Variants in CBX5 observed in about 807,000 individuals in gnomAD.
CBX5 encodes chromobox 5, also known as chromobox protein homolog 5.
In CBX5, 7 loss-of-function variants were observed where a neutral mutation model predicts 20.7. The observed-to-expected ratio is 0.34, with a 90% CI of 0.19 to 0.63. CBX5 has a LOEUF of 0.63. Ranked by LOEUF, CBX5 falls within the 30% of genes least tolerant of loss-of-function variation. The pLI is 0.75. For synonymous variants in CBX5, 78 were observed against 77.0 expected, an observed-to-expected ratio of 1.01 and a Z score of -0.07; for missense variants, 110 against 224.1, an observed-to-expected ratio of 0.49 and a Z score of 3.25.
At position 54,237,457 on chromosome 12, in the gene CBX5, T is replaced by C. The variant is rs1310864368; in HGVS notation, c.*4298A>G. 3 of 152,300 alleles carry C rather than the reference T, an allele frequency of 2.0e-5. No individual in the cohort carries two copies. The highest frequency in any genetic ancestry group is 4.4e-5 in the Non-Finnish European group (3 of 68,054). 9.4% of individuals were successfully genotyped at this position (152,300 alleles called of 1,614,324 possible). ...CTTCTCAAAATAGCACCCCAGTGGATGGTAGTCAAGCTTTCCAGCAACCAG... is the reference window on the plus strand; with the variant it reads ...CTTCTCAAAATAGCACCCCAGTGGACGGTAGTCAAGCTTTCCAGCAACCAG... On this transcript the variant is annotated 3_prime_UTR_variant, in exon 5 of 5. Transcript: ENST00000209875.
rs183936231 is a variant in CBX5, at chr12:54,270,974, C to T, written c.-43+9034G>A. 3.7e-3 allele frequency among the ~76,000 whole-genome samples: 566 copies of T among 152,354 alleles called. 2 individuals are homozygous for T. Among genetic ancestry groups the T allele is most frequent in the Non-Finnish European group, 3.9e-3 (264 of 68,040 alleles). The stretch of plus-strand genomic sequence containing the variant: ...TCAGAAGGCTGAGGCAGGAGGATCA[C>T]TTGAGCCCAGGAGTTTCAGGCTGCA... On this transcript the variant is annotated intron_variant, in intron 1 of 4. Transcript: ENST00000209875.
At chr12:54,279,287 T>C (rs1323689410) in intron 1 of CBX5, among the ~76,000 whole-genome samples, 1 of 151,978 alleles carries the variant, frequency 6.6e-6, no homozygotes, top group East Asian at 1.9e-4. Context: ...GAAAGTATTA[T>C]TTAAAAACAA....
In CBX5 at chr12:54,238,272, G is replaced by C. The variant is rs1014053967; in HGVS notation, c.*3483C>G. The C allele has an allele frequency of 6.6e-6, 1 of 152,178 alleles. No individual in the cohort carries two copies. The highest frequency in any genetic ancestry group is 2.4e-5 in the African/African-American group (1 of 41,442). The allele number at this position is 152,178 out of a possible 1,614,324, so 9.4% of individuals were successfully genotyped here. ...ACAGACAATCACTTTGGAATTCTGA[G>C]ACTACCTCCAAGAATCATCCACGGA... On this transcript the variant is annotated 3_prime_UTR_variant, in exon 5 of 5. Coordinates refer to ENST00000209875, the MANE Select transcript of CBX5 (RefSeq NM_012117.3).
intron 1 of CBX5, among the ~76,000 whole-genome samples, chr12:54,263,826 G>A (rs1336306206): frequency 2.7e-5 from 4 of 148,180 alleles, no homozygotes; most frequent in South Asian, 2.1e-4. Context: ...AGTGGCTCAC[G>A]AGGTCAGGAG....
Position 54,246,179 on chromosome 12 carries a change from G to A in CBX5, c.361C>T (p.Leu121=), listed in dbSNP as rs1943733629. ...NDIARGFERG[L]EPEKIIGATD... ...GCCCCAATGATCTTTTCTGGTTCCA[G>A]TCCTCTCTCAAAGCCCCGAGCGATA... The change falls in exon 4 of 5, where the codon CTG becomes TTG. Residue 121 remains leucine (L), a synonymous_variant. Coordinates refer to ENST00000209875, the MANE Select transcript of CBX5 (RefSeq NM_012117.3). 6.2e-7 allele frequency: 1 copy of A among 1,613,426 alleles called. No homozygotes were observed. The highest frequency in any genetic ancestry group is 8.5e-7 in the Non-Finnish European group (1 of 1,179,580).
chr12:54,235,067 T>C lies in CBX5; in HGVS notation c.*6688A>G, dbSNP rs908069033. ...AAACTATCTAAAAAACTTCACACTT[T>C]AACTTTCCAGAGCAGTTACTCTAAT... On this transcript the variant is annotated 3_prime_UTR_variant, in exon 5 of 5. Coordinates refer to ENST00000209875, the MANE Select transcript of CBX5 (RefSeq NM_012117.3). The C allele has an allele frequency of 1.3e-5, 2 of 152,216 alleles. No homozygotes were observed. Among genetic ancestry groups the C allele is most frequent in the African/African-American group, 2.4e-5 (1 of 41,438 alleles). The allele number at this position is 152,216 out of a possible 1,614,324, so 9.4% of individuals were successfully genotyped here. A position where few individuals can be genotyped will look rare whatever the true frequency, so the allele number is the denominator to read the frequency against.
chr12:54,271,110 C>T (rs536757811), intron 1 of CBX5, among the ~76,000 whole-genome samples: 1 of 152,214 alleles, frequency 6.6e-6, no homozygotes, highest in South Asian at 2.1e-4. Context: ...GACTTATTGA[C>T]CCAGAAGGTA....
At chr12:54,256,995 C>T (rs1943867603) in intron 2 of CBX5, among the ~76,000 whole-genome samples, 1 of 152,116 alleles carries the variant, frequency 6.6e-6, no homozygotes, top group South Asian at 2.1e-4. Flanking sequence ...TCTGGAGTAG[C>T]TGGGATTACA....
rs925730421 is a variant in CBX5, at chr12:54,245,845, G to A, written c.425+270C>T. 2.0e-5 allele frequency among the ~76,000 whole-genome samples: 3 copies of A among 152,082 alleles called. No homozygotes were observed. In the South Asian group the frequency reaches 6.2e-4, roughly 32 times the overall value. ...ATACAAAAATTAGCCAGGCATGGTG[G>A]CGGGCACCTGTCATCCCAGGTACTC... On this transcript the variant is annotated intron_variant, in intron 4 of 4. Coordinates refer to ENST00000209875, the MANE Select transcript of CBX5 (RefSeq NM_012117.3).
intron 1 of CBX5, chr12:54,262,764 C>T (rs1943923985): frequency 6.6e-6 from 1 of 152,528 alleles, no homozygotes; most frequent in East Asian, 1.9e-4. Context: ...GATAAAGCAT[C>T]AAGACTGGTG....
At position 54,246,495 on chromosome 12, in the gene CBX5, C is replaced by T. The variant is rs149837378; in HGVS notation, c.325-280G>A. On this transcript the variant is annotated intron_variant, in intron 3 of 4. Coordinates refer to ENST00000209875, the MANE Select transcript of CBX5 (RefSeq NM_012117.3). ...GTCTCTAATGTCCTATAAGATACTC[C>T]GGAGTCAGAGGCATGGTGGCTCACG... Among the ~76,000 whole-genome samples, 10 of 152,022 alleles carry T rather than the reference C, an allele frequency of 6.6e-5. No homozygotes were observed. The East Asian group carries it at 1.6e-3, about 24-fold the overall frequency.
chr12:54,246,283 TCAA>T, intron 3 of CBX5, 68 bp from the exon 4 acceptor site: 1 of 1,164,212 alleles, frequency 8.6e-7, no homozygotes. Flanking sequence ...GCTTCTAGGC[TCAA>T]CAAAACATAA....
rs1943656037 is a variant in CBX5 at position 54,239,573 on chromosome 12, TC to T, written c.*2181del. 1 of 152,210 alleles carries T rather than the reference TC, an allele frequency of 6.6e-6. No individual in the cohort carries two copies. Among genetic ancestry groups the T allele is most frequent in the Non-Finnish European group, 1.5e-5 (1 of 68,044 alleles). 9.4% of individuals were successfully genotyped at this position (152,210 alleles called of 1,614,324 possible). A position where few individuals can be genotyped will look rare whatever the true frequency, so the allele number is the denominator to read the frequency against. On this transcript the variant is annotated 3_prime_UTR_variant, in exon 5 of 5. Transcript: ENST00000209875. ...AAATGTTTCCTGACCATCCTTTCCTTCTTTTAGATACCGATCAGATTAAGTA... is the reference window on the plus strand; with the variant it reads ...AAATGTTTCCTGACCATCCTTTCCTTTTTTAGATACCGATCAGATTAAGTA...
At chr12:54,254,941 G>C (rs1943848615) in intron 2 of CBX5, among the ~76,000 whole-genome samples, 1 of 152,034 alleles carries the variant, frequency 6.6e-6, no homozygotes, top group South Asian at 2.1e-4. Context: ...CCATCCCAGA[G>C]GAAATTAACA....
intron 1 of CBX5, among the ~76,000 whole-genome samples, chr12:54,265,743 T>G (rs1943950120): frequency 6.6e-6 from 1 of 152,102 alleles, no homozygotes. Flanking sequence ...TCATGATCCT[T>G]TAAAAATCAG....
intron 2 of CBX5, among the ~76,000 whole-genome samples, chr12:54,253,025 TGAGG>T (rs1357329139): frequency 6.9e-6 from 1 of 145,664 alleles, no homozygotes; most frequent in Non-Finnish European, 1.5e-5. Context: ...TGCCTGGGGC[TGAGG>T]GAGGGAGTTG....
Position 54,238,937 on chromosome 12 carries a change from G to T in CBX5, c.*2818C>A, listed in dbSNP as rs1379090868. ...TTAGCTCTTAACTATTAACTCTTCT[G>T]AGGGGAGAAAGCTCCATGAAACAGG... On this transcript the variant is annotated 3_prime_UTR_variant, in exon 5 of 5. Transcript: ENST00000209875. 2 of 152,240 alleles carry T rather than the reference G, an allele frequency of 1.3e-5. No homozygotes were observed. The highest frequency in any genetic ancestry group is 2.9e-5 in the Non-Finnish European group (2 of 68,044). 9.4% of individuals were successfully genotyped at this position (152,240 alleles called of 1,614,324 possible). A position where few individuals can be genotyped will look rare whatever the true frequency, so the allele number is the denominator to read the frequency against.
chr12:54,245,018 T>TG (rs1168936232), intron 4 of CBX5, among the ~76,000 whole-genome samples: 2 of 147,888 alleles, frequency 1.4e-5, no homozygotes, highest in African/African-American at 4.9e-5. Context: ...TTATTATTAT[T>TG]TTTTTTTTTT....
At chr12:54,261,562 TG>T (rs1399437603) in intron 1 of CBX5, among the ~76,000 whole-genome samples, 2 of 152,212 alleles carry the variant, frequency 1.3e-5, no homozygotes, top group Admixed American at 1.3e-4. Flanking sequence ...CCCAAAGTGC[TG>T]GGATTACAGG....
Sources: gnomAD v4.1 joint callset for allele counts (sites outside exome capture counted in the v4.1 genomes callset) on GRCh38, gnomAD v4.1.1 for gene constraint, MANE v1.5 for transcripts, NCBI Gene and HGNC (gene_info 2026-07-23, HGNC 2026-07-21) for gene names.